Variants in CNTNAP5 observed in about 807,000 individuals in gnomAD.
The protein encoded by CNTNAP5 is contactin associated protein family member 5, also known as contactin-associated protein-like 5.
Under a neutral mutation model 150.2 loss-of-function variants are expected in CNTNAP5, and 72 were observed. The observed-to-expected ratio is 0.48, with a 90% CI of 0.40 to 0.58. The LOEUF (loss-of-function observed/expected upper bound fraction) is 0.58. CNTNAP5 is among the 20% of genes least tolerant of loss of function. The pLI, the probability that CNTNAP5 is intolerant of heterozygous loss-of-function variation, is 0.00. For synonymous variants in CNTNAP5, 672 were observed against 619.8 expected, an observed-to-expected ratio of 1.08 and a Z score of -1.25; for missense variants, 1,636 against 1,626.2, an observed-to-expected ratio of 1.01 and a Z score of -0.10.
intron 19 of CNTNAP5, among the ~76,000 whole-genome samples, chr2:124,849,221 T>C (rs951455819): frequency 3.9e-5 from 6 of 152,190 alleles, no homozygotes; most frequent in African/African-American, 1.4e-4. Context: ...CACCATTTAT[T>C]AAAGAGGTTG....
intron 1 of CNTNAP5, among the ~76,000 whole-genome samples, chr2:124,123,700 C>T (rs536833337): frequency 3.5e-4 from 54 of 152,138 alleles, no homozygotes; most frequent in Admixed American, 2.2e-3. Context: ...CCCTCTGAGA[C>T]GAAGCTTCCA....
At chr2:124,792,356 G>A (rs568072242) in intron 18 of CNTNAP5, among the ~76,000 whole-genome samples, 3 of 152,218 alleles carry the variant, frequency 2.0e-5, no homozygotes, top group African/African-American at 4.8e-5. Flanking sequence ...GGCTCATAAA[G>A]GTGGACTGAC....
chr2:124,031,297 C>T (rs534777151), intron 1 of CNTNAP5, among the ~76,000 whole-genome samples: 1 of 152,062 alleles, frequency 6.6e-6, no homozygotes, highest in Non-Finnish European at 1.5e-5. Flanking sequence ...ATATTCAATG[C>T]GTAAAACATT....
chr2:124,394,444 A>C (rs886476718), intron 3 of CNTNAP5, among the ~76,000 whole-genome samples: 8 of 152,082 alleles, frequency 5.3e-5, no homozygotes, highest in African/African-American at 1.9e-4. Flanking sequence ...GCATGAAAAG[A>C]GGAGAGACAG....
At chr2:124,349,000 G>A (rs1473983053) in intron 3 of CNTNAP5, among the ~76,000 whole-genome samples, 1 of 152,002 alleles carries the variant, frequency 6.6e-6, no homozygotes, top group Non-Finnish European at 1.5e-5. Flanking sequence ...GTGTGTTCTT[G>A]CCAATTTTTG....
intron 19 of CNTNAP5, among the ~76,000 whole-genome samples, chr2:124,837,106 A>G (rs1682845635): frequency 6.6e-6 from 1 of 151,968 alleles, no homozygotes; most frequent in Admixed American, 6.6e-5. Context: ...ACAGGAATGT[A>G]TAAAGGCAGG....
chr2:124,731,694 A>G (rs1304309588), intron 13 of CNTNAP5, among the ~76,000 whole-genome samples: 1 of 151,860 alleles, frequency 6.6e-6, no homozygotes, highest in Non-Finnish European at 1.5e-5. Context: ...GAAAAATCAT[A>G]TAGGTGTTTA....
rs186053253 is a variant in CNTNAP5 at position 124,804,540 on chromosome 2, T to C, written c.3217+6220T>C. ...ACAGGGTAATTAGGTTAAATGAAAT[T>C]ATAAGATCGGAGCCCTAATCCGACA... On this transcript the variant is annotated intron_variant, in intron 19 of 23. Coordinates refer to ENST00000682447, the MANE Select transcript of CNTNAP5 (RefSeq NM_001367498.1). Among the ~76,000 whole-genome samples the C allele has an allele frequency of 5.9e-5, 9 of 152,226 alleles. No homozygotes were observed. In the East Asian group the frequency reaches 1.7e-3, roughly 29 times the overall value.
At chr2:124,844,583 T>C (rs6734943) in intron 19 of CNTNAP5, among the ~76,000 whole-genome samples, 2,494 of 152,180 alleles carry the variant, frequency 0.016, 63 homozygotes, top group African/African-American at 0.056. Context: ...TTGTACATTG[T>C]TTTTGGCACT....
intron 10 of CNTNAP5, among the ~76,000 whole-genome samples, chr2:124,540,277 C>T (rs12464048): frequency 0.42 from 64,151 of 151,986 alleles, 14,091 homozygotes; most frequent in East Asian, 0.64. Flanking sequence ...ATGTGGTTCC[C>T]AAGTAACTCT....
intron 13 of CNTNAP5, among the ~76,000 whole-genome samples, chr2:124,720,563 G>C (rs996543371): frequency 6.6e-6 from 1 of 152,032 alleles, no homozygotes; most frequent in Non-Finnish European, 1.5e-5. Context: ...TTTTAAATTT[G>C]ATTTTAAATT....
intron 19 of CNTNAP5, among the ~76,000 whole-genome samples, chr2:124,851,411 G>A (rs1683152760): frequency 6.6e-6 from 1 of 152,178 alleles, no homozygotes; most frequent in Non-Finnish European, 1.5e-5. Flanking sequence ...ATGCTAATGG[G>A]AATTATATAG....
chr2:124,183,448 G>A (rs1685255435), intron 1 of CNTNAP5, among the ~76,000 whole-genome samples: 1 of 152,148 alleles, frequency 6.6e-6, no homozygotes, highest in African/African-American at 2.4e-5. Context: ...GAAAAGTTGA[G>A]AATGAGATGT....
At chr2:124,472,130 G>A (rs1324139723) in intron 6 of CNTNAP5, among the ~76,000 whole-genome samples, 1 of 151,916 alleles carries the variant, frequency 6.6e-6, no homozygotes, top group African/African-American at 2.4e-5. Context: ...TAAAATATGA[G>A]CACAAATGGA....
intron 3 of CNTNAP5, among the ~76,000 whole-genome samples, chr2:124,306,628 G>A (rs923637039): frequency 6.6e-6 from 1 of 151,702 alleles, no homozygotes; most frequent in Non-Finnish European, 1.5e-5. Context: ...TCACCAGAAC[G>A]AGAATGCTAT....
At chr2:124,900,745 C>A (rs528380535) in intron 21 of CNTNAP5, among the ~76,000 whole-genome samples, 1 of 151,708 alleles carries the variant, frequency 6.6e-6, no homozygotes, top group African/African-American at 2.4e-5. Context: ...GGCAGAACTA[C>A]AATGACTTGC....
At chr2:124,525,284 T>C (rs1009336901) in intron 9 of CNTNAP5, among the ~76,000 whole-genome samples, 1 of 152,214 alleles carries the variant, frequency 6.6e-6, no homozygotes, top group South Asian at 2.1e-4. Context: ...AAGATACTTA[T>C]AGTCCCTAAA....
At chr2:124,038,310 G>T (rs144714849) in intron 1 of CNTNAP5, among the ~76,000 whole-genome samples, 1 of 152,276 alleles carries the variant, frequency 6.6e-6, no homozygotes, top group Non-Finnish European at 1.5e-5. Context: ...TGAGAACTTA[G>T]GCCTGCTGCT....
chr2:124,729,231 T>A (rs1680220620), intron 13 of CNTNAP5, among the ~76,000 whole-genome samples: 1 of 152,094 alleles, frequency 6.6e-6, no homozygotes, highest in Non-Finnish European at 1.5e-5. Context: ...TTTGAAATGA[T>A]TCCATGTATA....
Sources: allele counts gnomAD v4.1 joint callset (sites outside exome capture counted in the v4.1 genomes callset), GRCh38; gene constraint gnomAD v4.1.1; transcripts MANE v1.5; gene names NCBI Gene and HGNC (gene_info 2026-07-23, HGNC 2026-07-21).